ENPP4: variants seen among roughly 807,000 people sequenced by gnomAD.
ENPP4 encodes bis(5'-adenosyl)-triphosphatase ENPP4.
In ENPP4, 18 loss-of-function variants were observed where a neutral mutation model predicts 33.4. That is an observed-to-expected ratio of 0.54 (90% CI 0.37 to 0.80). The LOEUF is 0.80. ENPP4 is among the 30% of genes least tolerant of loss of function. The probability of loss-of-function intolerance (pLI) is 0.00; values close to 1 mark genes in which losing one functional copy is unlikely to be tolerated. For missense variants in ENPP4, 480 were observed against 541.7 expected (o/e 0.89, Z 1.13); for synonymous variants, 172 against 189.9 (o/e 0.91, Z 0.78).
At position 46,137,691 on chromosome 6, in the gene ENPP4, G is replaced by C. The variant is rs1442181229; in HGVS notation, c.-33-1860G>C. Among the ~76,000 whole-genome samples, 3 of 151,794 alleles carry C rather than the reference G, an allele frequency of 2.0e-5. No individual in the cohort carries two copies. In the East Asian group the frequency reaches 5.8e-4, roughly 29 times the overall value. Reference sequence around the variant, plus strand: ...GGTTTGTTACTCTGTCTTTTGGAGAGGTGGTTTTGTTACTCTGCATTAGTT... The same window carrying C: ...GGTTTGTTACTCTGTCTTTTGGAGACGTGGTTTTGTTACTCTGCATTAGTT... On this transcript the variant is annotated intron_variant, in intron 1 of 3. Coordinates refer to ENST00000321037, the MANE Select transcript of ENPP4 (RefSeq NM_014936.5).
chr6:46,146,113 TTTGAG>T lies in ENPP4; in HGVS notation c.*2476_*2480del, dbSNP rs1764136098. On this transcript the variant is annotated 3_prime_UTR_variant, in exon 4 of 4. Coordinates refer to ENST00000321037, the MANE Select transcript of ENPP4 (RefSeq NM_014936.5). The stretch of plus-strand genomic sequence containing the variant: ...CAATACCCCAAGGTAATAGGAAAAG[TTTGAG>T]TTAAGTGTTTTTAATTCAGTCAGTG... 1 of 151,868 alleles carries T rather than the reference TTTGAG, an allele frequency of 6.6e-6. No individual in the cohort carries two copies. The highest frequency in any genetic ancestry group is 2.4e-5 in the African/African-American group (1 of 41,414). 9.4% of individuals were successfully genotyped at this position (151,868 alleles called of 1,614,324 possible). A position where few individuals can be genotyped will look rare whatever the true frequency, so the allele number is the denominator to read the frequency against.
chr6:46,143,193 T>C, intron 3 of ENPP4, 83 bp from the exon 4 acceptor site: 1 of 1,322,514 alleles, frequency 7.6e-7, no homozygotes, highest in South Asian at 1.5e-5. Context: ...TCTGAAAGAA[T>C]TGAATGTTTA....
intron 3 of ENPP4, among the ~76,000 whole-genome samples, chr6:46,142,812 AC>A (rs1764086482): frequency 6.6e-6 from 1 of 151,726 alleles, no homozygotes; most frequent in South Asian, 2.1e-4. Context: ...AACACATTCA[AC>A]GCAAGATCCC....
Position 46,139,890 on chromosome 6 carries a change from T to C in ENPP4, c.307T>C (p.Ser103Pro). 1 of 1,612,814 alleles carries C rather than the reference T, an allele frequency of 6.2e-7. No homozygotes were observed. The highest frequency in any genetic ancestry group is 1.1e-5 in the South Asian group (1 of 91,062). ...MYDAVTKKHF[S>P]DSNDKDPFWW... is the part of the protein sequence containing the mutation. Reference sequence around the variant, plus strand: ...TGATGCAGTCACAAAGAAACACTTTTCTGACTCTAATGACAAGGATCCTTT... The same window carrying C: ...TGATGCAGTCACAAAGAAACACTTTCCTGACTCTAATGACAAGGATCCTTT... The change falls in exon 2 of 4, where the codon TCT becomes CCT. Residue 103 changes from serine (S) to proline (P), a missense_variant. Around this residue, in one of 3 missense-constraint regions of ENPP4, gnomAD observed 227 missense variants for 273.7 expected, o/e 0.83. Coordinates refer to ENST00000321037, the MANE Select transcript of ENPP4 (RefSeq NM_014936.5).
chr6:46,132,701 G>T (rs1471810587), intron 1 of ENPP4, among the ~76,000 whole-genome samples: 2 of 152,170 alleles, frequency 1.3e-5, no homozygotes, highest in African/African-American at 4.8e-5. Context: ...GAAAGTCATT[G>T]GTAGCTTGAT....
At position 46,143,264 on chromosome 6, in the gene ENPP4, G is replaced by A. The variant is rs771217900; in HGVS notation, c.998-12G>A. 1.3e-6 allele frequency: 2 copies of A among 1,550,968 alleles called. No homozygotes were observed. The highest frequency in any genetic ancestry group is 1.7e-6 in the Non-Finnish European group (2 of 1,146,336). On this transcript the variant is annotated splice_polypyrimidine_tract_variant and intron_variant, in intron 3 of 3. Transcript: ENST00000321037. ...TGATCTTATTGACTGATGTTGTTTT[G>A]TTCTTTTTCAGTAGGTGACCATGGT... is the stretch of plus-strand genomic sequence containing the variant.
intron 1 of ENPP4, among the ~76,000 whole-genome samples, chr6:46,132,698 A>G (rs1763918698): frequency 6.6e-6 from 1 of 152,160 alleles, no homozygotes; most frequent in Non-Finnish European, 1.5e-5. Context: ...GAAGAAAGTC[A>G]TTGGTAGCTT....
chr6:46,145,090 C>T lies in ENPP4; in HGVS notation c.*1450C>T, dbSNP rs1230685098. ...TGAGACAAGCAGTTAATAGTATGAT[C>T]TTTAAAGTTTTGACAATATAAAATA... On this transcript the variant is annotated 3_prime_UTR_variant, in exon 4 of 4. Coordinates refer to ENST00000321037, the MANE Select transcript of ENPP4 (RefSeq NM_014936.5). 1 of 391,078 alleles carries T rather than the reference C, an allele frequency of 2.6e-6. No homozygotes were observed. The highest frequency in any genetic ancestry group is 2.1e-5 in the African/African-American group (1 of 48,306). 24.2% of individuals were successfully genotyped at this position (391,078 alleles called of 1,614,324 possible).
At chr6:46,132,102 G>C (rs1029971898) in intron 1 of ENPP4, among the ~76,000 whole-genome samples, 2 of 152,072 alleles carry the variant, frequency 1.3e-5, no homozygotes, top group Non-Finnish European at 2.9e-5. Context: ...CATTTTGTAG[G>C]TTGCCTGTTC....
intron 2 of ENPP4, 69 bp from the exon 3 acceptor site, chr6:46,140,983 T>G (rs1272268402): frequency 7.4e-6 from 7 of 945,158 alleles, no homozygotes; most frequent in African/African-American, 6.7e-5. Context: ...TTCCAATTAT[T>G]CTAGTTAGAC....
In ENPP4 at chr6:46,140,225, C is replaced by A. The variant is rs138819051; in HGVS notation, c.642C>A (p.Ile214=). The A allele has an allele frequency of 1.1e-3, 1,714 of 1,612,436 alleles. 1 individual carries two copies. Among genetic ancestry groups the A allele is most frequent in the Non-Finnish European group, 1.4e-3 (1,628 of 1,178,978 alleles). ...TGTTGAAAAAAATAGATGATCTTATCGGTGACTTAGTCCAAAGACTCAAGA... is the reference window on the plus strand; with the variant it reads ...TGTTGAAAAAAATAGATGATCTTATAGGTGACTTAGTCCAAAGACTCAAGA... ...SRVLKKIDDL[I]GDLVQRLKML... is the part of the protein sequence containing the mutation. Residue 214 remains isoleucine, a synonymous_variant, in exon 2 of 4, where the codon ATC becomes ATA. Transcript: ENST00000321037.
Position 46,144,923 on chromosome 6 carries a change from G to T in ENPP4, c.*1283G>T, listed in dbSNP as rs1764122118. Reference sequence around the variant, plus strand: ...TTAACATGTTTGTTCAGAGCCAAGGGTTTATTGTGAAGAACTGTCATCCTG... The same window carrying T: ...TTAACATGTTTGTTCAGAGCCAAGGTTTTATTGTGAAGAACTGTCATCCTG... On this transcript the variant is annotated 3_prime_UTR_variant, in exon 4 of 4. Coordinates refer to ENST00000321037, the MANE Select transcript of ENPP4 (RefSeq NM_014936.5). The T allele has an allele frequency of 2.5e-6, 1 of 396,268 alleles. No homozygotes were observed. Among genetic ancestry groups the T allele is most frequent in the Non-Finnish European group, 4.5e-6 (1 of 224,416 alleles). The allele number at this position is 396,268 out of a possible 1,614,324, so 24.5% of individuals were successfully genotyped here.
chr6:46,146,173 A>G lies in ENPP4; in HGVS notation c.*2533A>G, dbSNP rs550877643. 2.6e-5 allele frequency: 4 copies of G among 152,328 alleles called. No homozygotes were observed. Among genetic ancestry groups the G allele is most frequent in the Admixed American group, 6.6e-5 (1 of 15,232 alleles). 9.4% of individuals were successfully genotyped at this position (152,328 alleles called of 1,614,324 possible). On this transcript the variant is annotated 3_prime_UTR_variant, in exon 4 of 4. Coordinates refer to ENST00000321037, the MANE Select transcript of ENPP4 (RefSeq NM_014936.5). ...CAGAATAAGTACATTCATGTATAAC[A>G]TAGGGACAGTTCTGCTGCTGTTATT...
At position 46,144,685 on chromosome 6, in the gene ENPP4, A is replaced by G. The variant is rs899315357; in HGVS notation, c.*1045A>G. ...ATTTATGACCCAAATACAAATCTCA[A>G]TTTGACTGGGACAGAATGAGGAATG... On this transcript the variant is annotated 3_prime_UTR_variant, in exon 4 of 4. Transcript: ENST00000321037. 5 of 336,666 alleles carry G rather than the reference A, an allele frequency of 1.5e-5. No individual in the cohort carries two copies. The highest frequency in any genetic ancestry group is 2.1e-5 in the Non-Finnish European group (4 of 187,820). The allele number at this position is 336,666 out of a possible 1,614,324, so 20.9% of individuals were successfully genotyped here.
intron 3 of ENPP4, among the ~76,000 whole-genome samples, chr6:46,142,369 AAT>A (rs1764076146): frequency 6.9e-6 from 1 of 145,742 alleles, no homozygotes; most frequent in Admixed American, 7.1e-5. Flanking sequence ...TAATATATAT[AAT>A]GTATATTATA....
rs1183782368 is a variant in ENPP4, at chr6:46,144,469, T to A, written c.*829T>A. The A allele has an allele frequency of 1.3e-5, 2 of 152,062 alleles. No individual in the cohort carries two copies. The highest frequency in any genetic ancestry group is 4.8e-5 in the African/African-American group (2 of 41,386). 9.4% of individuals were successfully genotyped at this position (152,062 alleles called of 1,614,324 possible). On this transcript the variant is annotated 3_prime_UTR_variant, in exon 4 of 4. Coordinates refer to ENST00000321037, the MANE Select transcript of ENPP4 (RefSeq NM_014936.5). ...TTATGTGATTTACTATATAAGGAGG[T>A]CAGAGATGGACTGTGGCCAGGCTTC...
rs142311065 is a variant in ENPP4 at position 46,143,845 on chromosome 6, G to A, written c.*205G>A. The A allele has an allele frequency of 1.0e-5, 5 of 487,672 alleles. No homozygotes were observed. The highest frequency in any genetic ancestry group is 1.8e-5 in the Non-Finnish European group (5 of 279,182). The allele number at this position is 487,672 out of a possible 1,614,324, so 30.2% of individuals were successfully genotyped here. A position where few individuals can be genotyped will look rare whatever the true frequency, so the allele number is the denominator to read the frequency against. On this transcript the variant is annotated 3_prime_UTR_variant, in exon 4 of 4. Transcript: ENST00000321037. ...AACGCTGACCATAGTAAAATTGTTA[G>A]TAAATCATTAGGTAACATCTTGTGG...
chr6:46,132,211 A>G (rs532141303), intron 1 of ENPP4, among the ~76,000 whole-genome samples: 5 of 152,132 alleles, frequency 3.3e-5, no homozygotes, highest in Middle Eastern at 3.4e-3. Context: ...TTGGTGTTTT[A>G]GACATGAAGT....
At chr6:46,131,690 G>A (rs1763903437) in intron 1 of ENPP4, among the ~76,000 whole-genome samples, 2 of 151,552 alleles carry the variant, frequency 1.3e-5, no homozygotes, top group East Asian at 1.9e-4. Context: ...GGATGGCTGG[G>A]TCAAATGGTA....
Sources: gnomAD v4.1 joint callset for allele counts (sites outside exome capture counted in the v4.1 genomes callset) on GRCh38, gnomAD v4.1.1 for gene constraint, gnomAD v4.1.1 regional missense constraint, MANE v1.5 for transcripts, NCBI Gene and HGNC (gene_info 2026-07-23, HGNC 2026-07-21) for gene names.